The following NTM variants were observed in gnomAD, a reference collection of about 807,000 sequenced individuals.
The protein encoded by NTM is neurotrimin.
In NTM, 13 loss-of-function variants were observed where a neutral mutation model predicts 42.1. The observed-to-expected ratio is 0.31, with a 90% CI of 0.20 to 0.49. The LOEUF (loss-of-function observed/expected upper bound fraction) is 0.49, where lower values mean the gene tolerates loss of function less well. Ranked by LOEUF, NTM falls within the 20% of genes least tolerant of loss-of-function variation. NTM has a pLI of 0.99. For missense variants in NTM, 373 were observed against 452.8 expected, an observed-to-expected ratio of 0.82 and a Z score of 1.60; for synonymous variants, 187 against 179.2, an observed-to-expected ratio of 1.04 and a Z score of -0.35.
intron 1 of NTM, among the ~76,000 whole-genome samples, chr11:131,566,911 G>A (rs563075396): frequency 6.4e-4 from 98 of 152,202 alleles, no homozygotes; most frequent in Middle Eastern, 3.4e-3. Flanking sequence ...AGTCCTGCCC[G>A]GTACTACCTT....
intron 1 of NTM, among the ~76,000 whole-genome samples, chr11:131,462,284 G>A (rs1591738235): frequency 6.6e-6 from 1 of 152,136 alleles, no homozygotes; most frequent in East Asian, 1.9e-4. Flanking sequence ...AGAATTTTTT[G>A]GATGATGGAA....
intron 4 of NTM, among the ~76,000 whole-genome samples, chr11:132,277,588 T>C (rs1207692060): frequency 6.6e-6 from 1 of 152,224 alleles, no homozygotes; most frequent in African/African-American, 2.4e-5. Context: ...CGTACTTGAA[T>C]TGAAACCAAT....
At chr11:131,463,264 T>G (rs1484417483) in intron 1 of NTM, among the ~76,000 whole-genome samples, 2 of 152,204 alleles carry the variant, frequency 1.3e-5, no homozygotes, top group Non-Finnish European at 2.9e-5. Flanking sequence ...GGTGCTGCCT[T>G]AAACGACAAC....
chr11:131,513,649 G>A (rs1352650758), intron 1 of NTM, among the ~76,000 whole-genome samples: 1 of 152,208 alleles, frequency 6.6e-6, no homozygotes. Context: ...GCTCAAAGGA[G>A]CTTTAAGGAT....
chr11:131,586,160 C>T (rs561504755), intron 1 of NTM, among the ~76,000 whole-genome samples: 52 of 152,130 alleles, frequency 3.4e-4, no homozygotes, highest in African/African-American at 1.1e-3. Context: ...GGCTAGAGTG[C>T]AGTGGTGCAA....
In NTM at chr11:132,252,694, G is replaced by A. The variant is rs375867902; in HGVS notation, c.526+40547G>A. On this transcript the variant is annotated intron_variant, in intron 4 of 8. Transcript: ENST00000683400. Reference sequence around the variant, plus strand: ...ACAGGCTCGGATACATGAATACCTGGGTCTTTTTGTCCTGATATATGGCTG... The same window carrying A: ...ACAGGCTCGGATACATGAATACCTGAGTCTTTTTGTCCTGATATATGGCTG... 9.2e-5 allele frequency among the ~76,000 whole-genome samples: 14 copies of A among 152,190 alleles called. No individual in the cohort carries two copies. The East Asian group carries it at 2.5e-3, about 27-fold the overall frequency.
At chr11:131,953,731 A>G (rs1380308805) in intron 2 of NTM, among the ~76,000 whole-genome samples, 1 of 152,190 alleles carries the variant, frequency 6.6e-6, no homozygotes, top group Non-Finnish European at 1.5e-5. Context: ...TTCACTTTCT[A>G]ATGAAAAAGA....
chr11:132,210,147 C>T (rs1293614869), intron 3 of NTM, among the ~76,000 whole-genome samples: 3 of 152,286 alleles, frequency 2.0e-5, no homozygotes, highest in East Asian at 1.9e-4. Flanking sequence ...CCGGCAGGCC[C>T]GATCACATTG....
At chr11:132,118,022 T>G (rs2064145738) in intron 2 of NTM, among the ~76,000 whole-genome samples, 1 of 152,200 alleles carries the variant, frequency 6.6e-6, no homozygotes, top group African/African-American at 2.4e-5. Context: ...ATCTTGTCAC[T>G]CCCATCTGCC....
chr11:132,129,078 T>C (rs2066368228), intron 2 of NTM, among the ~76,000 whole-genome samples: 1 of 151,802 alleles, frequency 6.6e-6, no homozygotes, highest in Non-Finnish European at 1.5e-5. Context: ...CTTTAGAAAG[T>C]GCCGCTGGAA....
intron 2 of NTM, among the ~76,000 whole-genome samples, chr11:132,112,477 T>C (rs2063338853): frequency 6.6e-6 from 1 of 152,142 alleles, no homozygotes; most frequent in Non-Finnish European, 1.5e-5. Flanking sequence ...TGATAGAGAA[T>C]GATGTTTCAG....
intron 3 of NTM, among the ~76,000 whole-genome samples, chr11:132,176,387 A>G (rs964669562): frequency 6.6e-6 from 1 of 151,844 alleles, no homozygotes; most frequent in Non-Finnish European, 1.5e-5. Context: ...AACCTGTTTG[A>G]GAAAGGTTTT....
intron 1 of NTM, among the ~76,000 whole-genome samples, chr11:131,874,047 A>ATAATAATATAATATAATATATATATATC (rs2048237469): frequency 2.5e-5 from 1 of 40,416 alleles, no homozygotes; most frequent in African/African-American, 1.5e-4. Flanking sequence ...ATATATATAT[A>ATAATAATATAATATAATATATATATATC]TATATATATA....
chr11:131,987,852 T>C (rs1002223903), intron 2 of NTM, among the ~76,000 whole-genome samples: 4 of 152,228 alleles, frequency 2.6e-5, no homozygotes, highest in Non-Finnish European at 5.9e-5. Flanking sequence ...GAAGTAAATA[T>C]TGAGCATGTG....
chr11:131,772,484 G>A (rs2086269778), intron 1 of NTM, among the ~76,000 whole-genome samples: 1 of 152,168 alleles, frequency 6.6e-6, no homozygotes, highest in East Asian at 1.9e-4. Context: ...CTGCTGGCCT[G>A]GAAGCAGCCT....
chr11:132,165,196 A>G (rs2075075734), intron 3 of NTM, among the ~76,000 whole-genome samples: 1 of 152,176 alleles, frequency 6.6e-6, no homozygotes, highest in Non-Finnish European at 1.5e-5. Context: ...TCAAAATTAA[A>G]CAAATCATCT....
At chr11:132,309,140 A>G (rs760506411) in intron 5 of NTM, among the ~76,000 whole-genome samples, 34 of 152,252 alleles carry the variant, frequency 2.2e-4, no homozygotes, top group Admixed American at 9.8e-4. Flanking sequence ...GGAGAGAGTC[A>G]GCAACATCAT....
intron 2 of NTM, among the ~76,000 whole-genome samples, chr11:132,059,295 C>G (rs1022853327): frequency 2.6e-5 from 4 of 152,210 alleles, no homozygotes; most frequent in Non-Finnish European, 4.4e-5. Flanking sequence ...TCACCCTCCT[C>G]TCCTCATGGC....
At chr11:131,651,805 C>T (rs563090647) in intron 1 of NTM, among the ~76,000 whole-genome samples, 20 of 152,072 alleles carry the variant, frequency 1.3e-4, no homozygotes, top group African/African-American at 4.1e-4. Flanking sequence ...CACGCCACTA[C>T]GCTACAGTCT....
Sources: allele counts gnomAD v4.1 joint callset (sites outside exome capture counted in the v4.1 genomes callset), GRCh38; gene constraint gnomAD v4.1.1; transcripts MANE v1.5; gene names NCBI Gene and HGNC (gene_info 2026-07-23, HGNC 2026-07-21).